EPHA4: variants seen among roughly 807,000 people sequenced by gnomAD.
The protein encoded by EPHA4 is ephrin type-A receptor 4.
Under a neutral mutation model 108.3 loss-of-function variants are expected in EPHA4, and 19 were observed. The ratio of observed to expected loss-of-function variants is 0.18; its 90% CI spans 0.12 to 0.26. EPHA4 has a LOEUF of 0.26. EPHA4 is among the 10% of genes least tolerant of loss of function. The pLI is 1.00. For missense variants in EPHA4, 917 were observed against 1,254.0 expected (o/e 0.73, Z 4.06); for synonymous variants, 449 against 455.5 (o/e 0.99, Z 0.18).
chr2:221,481,068 C>G (rs1414496978), intron 5 of EPHA4, among the ~76,000 whole-genome samples: 1 of 152,168 alleles, frequency 6.6e-6, no homozygotes, highest in Non-Finnish European at 1.5e-5. Context: ...CCCTTCTCCT[C>G]TCTAACTCTC....
intron 3 of EPHA4, among the ~76,000 whole-genome samples, chr2:221,542,887 C>T (rs1693877302): frequency 6.6e-6 from 1 of 152,042 alleles, no homozygotes; most frequent in Non-Finnish European, 1.5e-5. Context: ...TGGCAAAAAA[C>T]CTTGAGAAAG....
intron 8 of EPHA4, among the ~76,000 whole-genome samples, chr2:221,447,378 C>A (rs985795251): frequency 6.6e-6 from 1 of 152,114 alleles, no homozygotes; most frequent in Non-Finnish European, 1.5e-5. Flanking sequence ...AAATCCTATA[C>A]CCTGAACTCT....
chr2:221,472,875 T>A (rs1691532721), intron 5 of EPHA4, among the ~76,000 whole-genome samples: 1 of 152,178 alleles, frequency 6.6e-6, no homozygotes, highest in Non-Finnish European at 1.5e-5. Flanking sequence ...AGAACCACAG[T>A]ACAGTTCGTT....
intron 8 of EPHA4, among the ~76,000 whole-genome samples, chr2:221,451,573 A>G (rs975902853): frequency 6.6e-6 from 1 of 152,208 alleles, no homozygotes; most frequent in African/African-American, 2.4e-5. Flanking sequence ...AATAAAATTT[A>G]TAGGGACAGC....
At chr2:221,471,158 AC>A (rs1691475222) in intron 5 of EPHA4, among the ~76,000 whole-genome samples, 1 of 152,090 alleles carries the variant, frequency 6.6e-6, no homozygotes, top group Non-Finnish European at 1.5e-5. Context: ...AATTGAGATG[AC>A]TTTTGTAGTC....
upstream of EPHA4, chr2:221,573,038 C>T (rs1417289447): frequency 6.5e-6 from 1 of 152,772 alleles, no homozygotes; most frequent in Non-Finnish European, 1.5e-5. The surrounding 1 kb of genome is among the most constrained non-coding windows in gnomAD (Gnocchi z 4.5). Context: ...CCCCGTCCCC[C>T]TGCACACGCC....
Position 221,482,341 on chromosome 2 carries a change from T to A in EPHA4, c.1318+11A>T. 4 of 1,583,584 alleles carry A rather than the reference T, an allele frequency of 2.5e-6. No homozygotes were observed. Among genetic ancestry groups the A allele is most frequent in the Non-Finnish European group, 3.4e-6 (4 of 1,161,576 alleles). ...ATTCAGATCATACAATAAAGTAGAT[T>A]CAATTCCTACCTGCTTGGTTGGTGG... On this transcript the variant is annotated intron_variant, in intron 5 of 17. Transcript: ENST00000281821.
chr2:221,519,728 C>A (rs1224428156), intron 3 of EPHA4, among the ~76,000 whole-genome samples: 1 of 152,144 alleles, frequency 6.6e-6, no homozygotes, highest in Non-Finnish European at 1.5e-5. Flanking sequence ...CAAAGTCAGC[C>A]CTACAAGTTA....
intron 5 of EPHA4, among the ~76,000 whole-genome samples, chr2:221,478,444 C>T (rs1691724318): frequency 6.6e-6 from 1 of 152,172 alleles, no homozygotes; most frequent in Admixed American, 6.5e-5. Context: ...AAAGACAAAA[C>T]AGTCGCTACA....
intron 2 of EPHA4, among the ~76,000 whole-genome samples, 163 bp downstream of exon 2, chr2:221,568,555 G>A (rs1326418679): frequency 1.3e-5 from 2 of 152,154 alleles, no homozygotes; most frequent in Admixed American, 1.3e-4. Context: ...GTTATCCAAA[G>A]GGAGTATAGG....
At chr2:221,458,452 A>C (rs7603370) in intron 5 of EPHA4, among the ~76,000 whole-genome samples, 1 of 152,296 alleles carries the variant, frequency 6.6e-6, no homozygotes, top group Admixed American at 6.5e-5. Flanking sequence ...AGTCTTCAAT[A>C]AGTACTGTAG....
chr2:221,475,641 A>T (rs1177654150), intron 5 of EPHA4, among the ~76,000 whole-genome samples: 1 of 152,216 alleles, frequency 6.6e-6, no homozygotes, highest in African/African-American at 2.4e-5. Flanking sequence ...CAGCTACTCA[A>T]CTATGCCATT....
At chr2:221,422,842 G>T (rs965618433) in intron 17 of EPHA4, among the ~76,000 whole-genome samples, 8 of 152,122 alleles carry the variant, frequency 5.3e-5, no homozygotes, top group African/African-American at 1.9e-4. Context: ...TTTTACTTTT[G>T]TATCACTGTC....
intron 15 of EPHA4, among the ~76,000 whole-genome samples, chr2:221,428,556 G>T (rs1337482175): frequency 6.6e-6 from 1 of 152,140 alleles, no homozygotes; most frequent in African/African-American, 2.4e-5. Context: ...CAAAAAACTG[G>T]CCTTGAATGG....
intron 5 of EPHA4, among the ~76,000 whole-genome samples, chr2:221,466,803 A>G (rs1691326609): frequency 6.6e-6 from 1 of 152,188 alleles, no homozygotes; most frequent in Admixed American, 6.5e-5. Context: ...TATAGCTTAT[A>G]TGTGGTCATA....
intron 3 of EPHA4, chr2:221,532,650 T>A (rs1365978156): frequency 2.0e-5 from 3 of 152,090 alleles, no homozygotes; most frequent in Non-Finnish European, 4.4e-5. Context: ...GCCAAAATTG[T>A]CTGTTATAGA....
chr2:221,537,452 AC>A (rs1424855645), intron 3 of EPHA4, among the ~76,000 whole-genome samples: 3 of 152,248 alleles, frequency 2.0e-5, no homozygotes, highest in Admixed American at 6.5e-5. Context: ...AATTAAATCC[AC>A]CTTAAGGGAC....
chr2:221,432,646 ATT>A (rs35949341), intron 14 of EPHA4, among the ~76,000 whole-genome samples: 11 of 142,034 alleles, frequency 7.7e-5, no homozygotes, highest in Admixed American at 7.1e-5. Flanking sequence ...TGCACCGAAC[ATT>A]TTTTTTTTTT....
chr2:221,477,852 C>G (rs117217278), intron 5 of EPHA4, among the ~76,000 whole-genome samples: 28 of 152,250 alleles, frequency 1.8e-4, no homozygotes, highest in African/African-American at 6.5e-4. Flanking sequence ...TAGAGATTAG[C>G]TGGTTTAAAT....
Sources: gnomAD v4.1 joint callset for allele counts (sites outside exome capture counted in the v4.1 genomes callset) on GRCh38, gnomAD v4.1.1 for gene constraint, Gnocchi (gnomAD v3.1) non-coding constraint, MANE v1.5 for transcripts, NCBI Gene and HGNC (gene_info 2026-07-23, HGNC 2026-07-21) for gene names.